GNG7: variants seen among roughly 807,000 people sequenced by gnomAD.
GNG7 encodes guanine nucleotide-binding protein G(I)/G(S)/G(O) subunit gamma-7.
A neutral mutation model predicts 4.0 loss-of-function variants in GNG7; 1 was observed. That is an observed-to-expected ratio of 0.25 (90% CI 0.09 to 1.18). GNG7 has a LOEUF of 1.18. Ranked by LOEUF, GNG7 falls within the 50% of genes most tolerant of loss-of-function variation. The pLI, the probability that GNG7 is intolerant of heterozygous loss-of-function variation, is 0.50. For missense variants in GNG7, 86 were observed against 91.9 expected, an observed-to-expected ratio of 0.94 and a Z score of 0.26; for synonymous variants, 34 against 36.9, an observed-to-expected ratio of 0.92 and a Z score of 0.29.
At chr19:2,523,842 C>T (rs1978323528) in intron 3 of GNG7, among the ~76,000 whole-genome samples, 1 of 152,124 alleles carries the variant, frequency 6.6e-6, no homozygotes. Flanking sequence ...AACAAAAAAT[C>T]CCTTTGACAC....
intron 1 of GNG7, among the ~76,000 whole-genome samples, chr19:2,656,533 G>A (rs1034413562): frequency 3.3e-5 from 5 of 152,160 alleles, no homozygotes; most frequent in Admixed American, 1.3e-4. Flanking sequence ...CCAGGAGGCG[G>A]GGGTTGCAGT....
At chr19:2,575,306 T>C (rs1980274458) in intron 2 of GNG7, among the ~76,000 whole-genome samples, 1 of 152,128 alleles carries the variant, frequency 6.6e-6, no homozygotes, top group African/African-American at 2.4e-5. Flanking sequence ...AACTACTGGG[T>C]TCAAGCAATC....
chr19:2,624,435 G>A (rs1981960110), intron 2 of GNG7, among the ~76,000 whole-genome samples: 1 of 150,632 alleles, frequency 6.6e-6, no homozygotes, highest in Admixed American at 6.6e-5. Context: ...GGAGGCTGAG[G>A]CAGGAGAATG....
chr19:2,689,264 AT>A (rs201631048), intron 1 of GNG7, among the ~76,000 whole-genome samples: 1,653 of 152,084 alleles, frequency 0.011, 20 homozygotes, highest in Middle Eastern at 0.048. Context: ...GGGAAAAAAA[AT>A]AATTATATAA....
At chr19:2,661,341 A>AAAGG (rs1568277874) in intron 1 of GNG7, among the ~76,000 whole-genome samples, 19 of 148,980 alleles carry the variant, frequency 1.3e-4, no homozygotes, top group African/African-American at 4.3e-4. Context: ...AGAAAGAAAG[A>AAAGG]AAGAAAGAAA....
At chr19:2,588,725 G>A (rs1007713400) in intron 2 of GNG7, among the ~76,000 whole-genome samples, 2 of 152,196 alleles carry the variant, frequency 1.3e-5, no homozygotes, top group Admixed American at 1.3e-4. Context: ...GTCCTGGTTG[G>A]AGTGGCTCCA....
At chr19:2,621,020 T>C (rs532265401) in intron 2 of GNG7, among the ~76,000 whole-genome samples, 4 of 152,222 alleles carry the variant, frequency 2.6e-5, no homozygotes, top group Admixed American at 2.6e-4. Flanking sequence ...TACAGGTTTC[T>C]GCAAACGGGG....
chr19:2,562,428 C>T (rs540850658), intron 2 of GNG7, among the ~76,000 whole-genome samples: 33 of 152,092 alleles, frequency 2.2e-4, no homozygotes, highest in East Asian at 5.8e-4. Context: ...GGATTACAGG[C>T]GTGAGCCACC....
At chr19:2,664,648 G>A (rs1393559175) in intron 1 of GNG7, among the ~76,000 whole-genome samples, 1 of 152,164 alleles carries the variant, frequency 6.6e-6, no homozygotes, top group Non-Finnish European at 1.5e-5. Flanking sequence ...AGTCCTCTAG[G>A]TCACTCTGGG....
At position 2,633,977 on chromosome 19, in the gene GNG7, A is replaced by C. The variant is rs1194605727; in HGVS notation, c.-78+12247T>G. ...TTGCCCCGAGTTGAGACCCCCTGGG[A>C]TAGGGGATTCCACGGACCCCCAAGA... On this transcript the variant is annotated intron_variant, in intron 2 of 4. Transcript: ENST00000382159. The surrounding 1 kb of genome is among the most constrained non-coding windows in gnomAD (Gnocchi z 5.9). 4.0e-5 allele frequency among the ~76,000 whole-genome samples: 6 copies of C among 151,864 alleles called. No individual in the cohort carries two copies. Among genetic ancestry groups the C allele is most frequent in the Admixed American group, 3.3e-4 (5 of 15,246 alleles).
At chr19:2,600,856 T>C (rs2144811700) in intron 2 of GNG7, among the ~76,000 whole-genome samples, 1 of 152,216 alleles carries the variant, frequency 6.6e-6, no homozygotes, top group East Asian at 1.9e-4. Context: ...TGGACCACAC[T>C]TTGAGAACTC....
At chr19:2,642,703 A>T (rs1390926303) in intron 2 of GNG7, 1 of 436,424 alleles carries the variant, frequency 2.3e-6, no homozygotes, top group Middle Eastern at 3.4e-4. Flanking sequence ...TCTGTTGACC[A>T]GGCTGATCTC....
rs59363824 is a variant in GNG7 at position 2,558,794 on chromosome 19, T to A, written c.-77-3606A>T. Among the ~76,000 whole-genome samples the A allele has an allele frequency of 4.2e-3, 632 of 151,924 alleles. 5 individuals are homozygous for A. Among genetic ancestry groups the A allele is most frequent in the African/African-American group, 0.015 (609 of 41,432 alleles). On this transcript the variant is annotated intron_variant, in intron 2 of 4. Coordinates refer to ENST00000382159, the MANE Select transcript of GNG7 (RefSeq NM_052847.3). Reference sequence around the variant, plus strand: ...TCTTTCTTTCTTCTCTCTCTTTCCTTTTTATTTATTTATTATTTTTTTTGG... The same window carrying A: ...TCTTTCTTTCTTCTCTCTCTTTCCTATTTATTTATTTATTATTTTTTTTGG...
At chr19:2,695,109 G>C (rs1309428230) in intron 1 of GNG7, among the ~76,000 whole-genome samples, 1 of 152,050 alleles carries the variant, frequency 6.6e-6, no homozygotes, top group Non-Finnish European at 1.5e-5. Context: ...CCCGGAGTTT[G>C]AGGCTGCAGT....
intron 1 of GNG7, among the ~76,000 whole-genome samples, chr19:2,698,994 C>T (rs1036043195): frequency 1.3e-5 from 2 of 152,148 alleles, no homozygotes; most frequent in Non-Finnish European, 2.9e-5. Flanking sequence ...ATTTGAGCTT[C>T]GTTGGAAGCT....
chr19:2,511,972 G>A lies in GNG7; in HGVS notation c.*3050C>T. On this transcript the variant is annotated 3_prime_UTR_variant, in exon 5 of 5. Coordinates refer to ENST00000382159, the MANE Select transcript of GNG7 (RefSeq NM_052847.3). This position sits in a 1 kb window ranked among gnomAD's most constrained non-coding sequence, Gnocchi z 6.3. ...CAGGGTCGGGGCCTGGCCCGCTGTG[G>A]CCCTTCACCTGGCTACTGGTGTCTC... The A allele has an allele frequency of 1.0e-6, 1 of 985,916 alleles. No homozygotes were observed. The highest frequency in any genetic ancestry group is 1.2e-6 in the Non-Finnish European group (1 of 829,972). 61.1% of individuals were successfully genotyped at this position (985,916 alleles called of 1,614,324 possible). A position where few individuals can be genotyped will look rare whatever the true frequency, so the allele number is the denominator to read the frequency against.
At chr19:2,632,342 T>C (rs1982180381) in intron 2 of GNG7, among the ~76,000 whole-genome samples, 1 of 151,696 alleles carries the variant, frequency 6.6e-6, no homozygotes, top group African/African-American at 2.4e-5. Flanking sequence ...GGCAGGAGAA[T>C]TGCTTGAACC....
chr19:2,543,455 G>C (rs1019110070), intron 3 of GNG7, among the ~76,000 whole-genome samples: 2 of 151,902 alleles, frequency 1.3e-5, no homozygotes, highest in African/African-American at 4.8e-5. Context: ...AAACTCCTGG[G>C]CTCAAGCAAT....
At chr19:2,553,519 T>C (rs530594690) in intron 3 of GNG7, among the ~76,000 whole-genome samples, 52 of 148,734 alleles carry the variant, frequency 3.5e-4, no homozygotes, top group African/African-American at 1.1e-3. Context: ...TACATATATG[T>C]ACACATTACA....
Sources: allele counts gnomAD v4.1 joint callset (sites outside exome capture counted in the v4.1 genomes callset), GRCh38; gene constraint gnomAD v4.1.1; non-coding constraint Gnocchi (gnomAD v3.1); transcripts MANE v1.5; gene names NCBI Gene and HGNC (gene_info 2026-07-23, HGNC 2026-07-21).